AGL: variants seen among roughly 807,000 people sequenced by gnomAD.
AGL encodes glycogen debranching enzyme.
AGL carries 128 observed loss-of-function variants against 199.3 expected under a neutral mutation model. The ratio of observed to expected loss-of-function variants is 0.64; its 90% confidence interval spans 0.56 to 0.74. The LOEUF is 0.74. Ranked by LOEUF, AGL falls within the 30% of genes least tolerant of loss-of-function variation. AGL has a pLI of 0.00. For missense variants in AGL, 1,809 were observed against 1,820.8 expected, an observed-to-expected ratio of 0.99 and a Z score of 0.12; for synonymous variants, 584 against 594.7, an observed-to-expected ratio of 0.98 and a Z score of 0.26.
In AGL at chr1:99,915,416, G is replaced by A. The variant is rs375755924; in HGVS notation, c.4189G>A (p.Ala1397Thr). 6.4e-5 allele frequency: 104 copies of A among 1,613,802 alleles called. 1 individual carries two copies. In the South Asian group the frequency reaches 1.0e-3, roughly 16 times the overall value. The change falls in exon 31 of 34, where the codon GCA becomes ACA. Residue 1397 changes from alanine (A) to threonine (T), a missense_variant. Coordinates refer to ENST00000361915, the MANE Select transcript of AGL (RefSeq NM_000642.3). The stretch of plus-strand genomic sequence containing the variant: ...CCCTGAGCTCTTTACTACAGAAAAA[G>A]CATGGAAAGCTTTGGAGATTGCAGA... Reference protein sequence around the residue: ...VAPELFTTEKAWKALEIAEKK... With the variant: ...VAPELFTTEKTWKALEIAEKK...
At chr1:99,890,608 C>A (rs1399048631) in intron 21 of AGL, among the ~76,000 whole-genome samples, 1 of 148,226 alleles carries the variant, frequency 6.7e-6, no homozygotes, top group Admixed American at 6.9e-5. Context: ...CTGGGAAATT[C>A]TAATGCTTCT....
chr1:99,912,153 A>G (rs1654793026), intron 28 of AGL, among the ~76,000 whole-genome samples: 1 of 152,056 alleles, frequency 6.6e-6, no homozygotes, highest in African/African-American at 2.4e-5. Context: ...TCCAACTGCC[A>G]TCTTCTTTTA....
chr1:99,912,560 A>T, intron 29 of AGL, 43 bp downstream of exon 29: 2 of 1,335,428 alleles, frequency 1.5e-6, no homozygotes, highest in Non-Finnish European at 2.2e-6. Flanking sequence ...CAAATGTACT[A>T]TGTATATTCT....
intron 25 of AGL, among the ~76,000 whole-genome samples, chr1:99,898,169 C>G (rs968002124): frequency 8.6e-5 from 13 of 151,962 alleles, no homozygotes; most frequent in African/African-American, 3.1e-4. Flanking sequence ...GCCTCAGCCT[C>G]CTGAGTAGCT....
chr1:99,912,105 A>G (rs921092693), intron 28 of AGL, among the ~76,000 whole-genome samples: 2 of 151,972 alleles, frequency 1.3e-5, no homozygotes, highest in African/African-American at 4.8e-5. Context: ...TTTCTCTAGT[A>G]CCTTATCCCA....
At chr1:99,898,101 C>G (rs1226271877) in intron 25 of AGL, among the ~76,000 whole-genome samples, 1 of 149,692 alleles carries the variant, frequency 6.7e-6, no homozygotes, top group Non-Finnish European at 1.5e-5. Flanking sequence ...GGCTGGAGTG[C>G]AGTGGCGCAA....
chr1:99,886,045 T>C (rs944326228), intron 20 of AGL, among the ~76,000 whole-genome samples: 22 of 152,192 alleles, frequency 1.4e-4, no homozygotes, highest in Non-Finnish European at 4.4e-5. Context: ...TAATAATTAA[T>C]ACTTTCAGCT....
rs1159923321 is a variant in AGL at position 99,916,388 on chromosome 1, T to C, written c.4260-22T>C. The stretch of plus-strand genomic sequence containing the variant: ...AATATCTGATCATCTTTTATTTAAC[T>C]TAAATTTCAATCATTTTGCAGTGAT... On this transcript the variant is annotated intron_variant, in intron 31 of 33. Coordinates refer to ENST00000361915, the MANE Select transcript of AGL (RefSeq NM_000642.3). 3 of 1,556,838 alleles carry C rather than the reference T, an allele frequency of 1.9e-6. No homozygotes were observed. The African/African-American group carries it at 4.1e-5, about 21-fold the overall frequency.
intron 22 of AGL, 71 bp downstream of exon 22, chr1:99,891,427 T>A: frequency 6.4e-7 from 1 of 1,562,044 alleles, no homozygotes; most frequent in African/African-American, 1.4e-5. Flanking sequence ...TTATATATAA[T>A]ATTTACATTG....
At chr1:99,895,533 A>G (rs1234401547) in intron 24 of AGL, among the ~76,000 whole-genome samples, 3 of 152,172 alleles carry the variant, frequency 2.0e-5, no homozygotes, top group Non-Finnish European at 2.9e-5. Flanking sequence ...CATATACTTA[A>G]TTAGGTATCA....
intron 30 of AGL, among the ~76,000 whole-genome samples, chr1:99,914,994 C>A (rs1305799544): frequency 1.3e-5 from 2 of 152,152 alleles, no homozygotes; most frequent in Non-Finnish European, 2.9e-5. Flanking sequence ...GCAGGATGAT[C>A]GCTTGAGCCC....
chr1:99,907,686 G>GTT (rs1238445536), intron 27 of AGL, among the ~76,000 whole-genome samples: 1 of 59,846 alleles, frequency 1.7e-5, no homozygotes, highest in African/African-American at 5.7e-5. Flanking sequence ...GTTTGTTTTT[G>GTT]TTTTTTGTTT....
intron 13 of AGL, 88 bp downstream of exon 13, chr1:99,880,134 A>T: frequency 6.4e-7 from 1 of 1,556,808 alleles, no homozygotes; most frequent in South Asian, 1.1e-5. Context: ...TGCAATGCTT[A>T]ATAATTTTTT....
chr1:99,864,313 T>C (rs574763199), intron 4 of AGL, 73 bp from the exon 5 acceptor site: 16 of 1,352,514 alleles, frequency 1.2e-5, no homozygotes, highest in Non-Finnish European at 1.7e-5. Context: ...AAGTTTAAAT[T>C]TATATTTTCT....
rs1334635118 is a variant in AGL, at chr1:99,923,757, A to T, written c.*2106A>T. ...GATGCTGGATAAGGTATTGTATTTC[A>T]ACAATGGACTATGCCTTGGTTTTTC... On this transcript the variant is annotated 3_prime_UTR_variant, in exon 34 of 34. Transcript: ENST00000361915. 1.3e-5 allele frequency: 2 copies of T among 152,216 alleles called. No individual in the cohort carries two copies. Among genetic ancestry groups the T allele is most frequent in the East Asian group, 3.8e-4 (2 of 5,198 alleles). 9.4% of individuals were successfully genotyped at this position (152,216 alleles called of 1,614,324 possible).
intron 29 of AGL, 28 bp downstream of exon 29, chr1:99,912,545 AC>A: frequency 6.7e-7 from 1 of 1,490,766 alleles, no homozygotes; most frequent in Non-Finnish European, 9.4e-7. Flanking sequence ...TTTACAAAGA[AC>A]CTTCAAATGT....
chr1:99,901,084 A>G (rs1412033395), intron 26 of AGL, among the ~76,000 whole-genome samples: 1 of 152,048 alleles, frequency 6.6e-6, no homozygotes, highest in Non-Finnish European at 1.5e-5. Context: ...AAATATGGCC[A>G]TTGCAATAGA....
rs1239139705 is a variant in AGL, at chr1:99,912,504, A to G, written c.3936A>G (p.Thr1312=). The G allele has an allele frequency of 1.2e-6, 2 of 1,610,932 alleles. No individual in the cohort carries two copies. Among genetic ancestry groups the G allele is most frequent in the East Asian group, 2.2e-5 (1 of 44,846 alleles). ...KKNIFPYHEV[T]VKRHGKAIKV... is the part of the protein sequence containing the mutation. The stretch of plus-strand genomic sequence containing the variant: ...ATATTTTCCCTTATCATGAAGTCAC[A>G]GTAAAAAGACATGGTAAGCTGGTTA... Residue 1312 remains threonine, a synonymous_variant, in exon 29 of 34, where the codon ACA becomes ACG. Transcript: ENST00000361915.
chr1:99,896,454 A>G, intron 25 of AGL, 66 bp downstream of exon 25: 2 of 1,201,620 alleles, frequency 1.7e-6, no homozygotes, highest in Non-Finnish European at 1.2e-6. Context: ...TGCTCTTCAA[A>G]CTTTCCTTCT....
Sources: allele counts gnomAD v4.1 joint callset (sites outside exome capture counted in the v4.1 genomes callset), GRCh38; gene constraint gnomAD v4.1.1; transcripts MANE v1.5; gene names NCBI Gene and HGNC (gene_info 2026-07-23, HGNC 2026-07-21).